The following USP34 variants were observed in gnomAD, a reference collection of about 807,000 sequenced individuals.
USP34 encodes the protein ubiquitin carboxyl-terminal hydrolase 34.
Under a neutral mutation model 460.3 loss-of-function variants are expected in USP34, and 70 were observed. The ratio of observed to expected loss-of-function variants is 0.15; its 90% CI spans 0.13 to 0.19. USP34 has a LOEUF of 0.19. Among genes scored for constraint, USP34 ranks in the 10% least tolerant of loss-of-function variants. The pLI is 1.00. For synonymous variants in USP34, 1,647 were observed against 1,405.3 expected (o/e 1.17, Z -3.85); for missense variants, 3,985 against 4,236.2 (o/e 0.94, Z 1.65).
rs373843965 is a variant in USP34, at chr2:61,211,789, G to C, written c.8823C>G (p.Cys2941Trp). Residue 2941 changes from cysteine to tryptophan, a missense_variant, in exon 69 of 80, where the codon TGC (cysteine) becomes TGG (tryptophan). Physicochemically the swap from Cys to Trp is radical, Grantham distance 215. This residue lies in a region of USP34 where 275 missense variants were observed against 292.7 expected (regional missense o/e 0.94). Coordinates refer to ENST00000398571, the MANE Select transcript of USP34 (RefSeq NM_014709.4). ...CYLRCLDGRS[C>W]WTTLISAFRI... Reference sequence around the variant, plus strand: ...CTTTTTACCTTATTAAAGTAGTCCAGCAGGAGCGGCCATCTAAGCAACGTA... The same window carrying C: ...CTTTTTACCTTATTAAAGTAGTCCACCAGGAGCGGCCATCTAAGCAACGTA... 56 of 1,587,202 alleles carry C rather than the reference G, an allele frequency of 3.5e-5. No homozygotes were observed. The highest frequency in any genetic ancestry group is 4.6e-5 in the Non-Finnish European group (54 of 1,171,828).
Position 61,367,674 on chromosome 2 carries a change from T to C in USP34, c.1251+2647A>G, listed in dbSNP as rs180828403. Among the ~76,000 whole-genome samples, 423 of 152,198 alleles carry C rather than the reference T, an allele frequency of 2.8e-3. 1 individual carries two copies. The highest frequency in any genetic ancestry group is 9.5e-3 in the African/African-American group (394 of 41,540). ...AAATAGCAACATAATGGAAGAAATA[T>C]AATTGAAGAAATCACAATTTATAAT... On this transcript the variant is annotated intron_variant, in intron 10 of 79. Transcript: ENST00000398571.
At chr2:61,311,491 AG>A (rs768466808) in intron 27 of USP34, 48 bp downstream of exon 27, 23 of 1,410,454 alleles carry the variant, frequency 1.6e-5, no homozygotes, top group African/African-American at 2.7e-5. Flanking sequence ...AAAGAGAAAA[AG>A]AAAGAAAGAG....
intron 67 of USP34, among the ~76,000 whole-genome samples, chr2:61,217,978 A>C (rs1687450909): frequency 6.6e-6 from 1 of 151,968 alleles, no homozygotes; most frequent in East Asian, 1.9e-4. Flanking sequence ...TAAATAAGAA[A>C]ATAAAAATAA....
chr2:61,385,391 C>T (rs142480274), intron 5 of USP34, among the ~76,000 whole-genome samples: 49 of 151,988 alleles, frequency 3.2e-4, no homozygotes, highest in Admixed American at 2.4e-3. Flanking sequence ...CTAAGAAATA[C>T]GACAAGGAGG....
chr2:61,273,821 G>A (rs1244723123), intron 41 of USP34, among the ~76,000 whole-genome samples: 1 of 151,886 alleles, frequency 6.6e-6, no homozygotes, highest in Non-Finnish European at 1.5e-5. Context: ...AGAAAGTCCA[G>A]AAATACATAT....
At chr2:61,319,810 C>T (rs113579672) in intron 21 of USP34, among the ~76,000 whole-genome samples, 2 of 152,142 alleles carry the variant, frequency 1.3e-5, no homozygotes, top group African/African-American at 4.8e-5. Flanking sequence ...GGCCACTGCA[C>T]TCCAGCCAGG....
intron 43 of USP34, 58 bp downstream of exon 43, chr2:61,265,339 C>G: frequency 6.5e-7 from 1 of 1,530,570 alleles, no homozygotes; most frequent in Non-Finnish European, 8.8e-7. Context: ...AAAAATTTAT[C>G]AACAAAATAT....
At chr2:61,200,397 A>G (rs1686940280) in intron 75 of USP34, 1 of 151,864 alleles carries the variant, frequency 6.6e-6, no homozygotes, top group Non-Finnish European at 1.5e-5. Flanking sequence ...TCCCCTCACC[A>G]TCCTCACTTC....
chr2:61,235,328 CTTTTTTTT>C (rs10537200), intron 57 of USP34, among the ~76,000 whole-genome samples: 2 of 123,404 alleles, frequency 1.6e-5, no homozygotes, highest in African/African-American at 6.2e-5. Context: ...ATTTTTTTTT[CTTTTTTTT>C]TTTTTTTTGA....
intron 10 of USP34, among the ~76,000 whole-genome samples, chr2:61,358,909 G>A (rs1189110126): frequency 6.6e-6 from 1 of 152,118 alleles, no homozygotes; most frequent in Non-Finnish European, 1.5e-5. Context: ...TAACCAAAGA[G>A]GGTAAAGTTT....
intron 41 of USP34, among the ~76,000 whole-genome samples, chr2:61,267,967 G>A (rs1367769382): frequency 6.6e-6 from 1 of 151,630 alleles, no homozygotes; most frequent in African/African-American, 2.4e-5. Context: ...TGTTGGCCAG[G>A]CTGGTCTCGG....
Position 61,311,595 on chromosome 2 carries a change from A to T in USP34, c.3762T>A (p.Asn1254Lys). 1 of 1,613,280 alleles carries T rather than the reference A, an allele frequency of 6.2e-7. No homozygotes were observed. The highest frequency in any genetic ancestry group is 8.5e-7 in the Non-Finnish European group (1 of 1,179,730). Reference protein sequence around the residue: ...WYENLQKEQINQQAQLQEFGQ... With the variant: ...WYENLQKEQIKQQAQLQEFGQ... ...CAAACTCCTGAAGCTGAGCTTGTTG[A>T]TTTATTTGTTCTTTCTGTAAATTTT... is the stretch of plus-strand genomic sequence containing the variant. Residue 1254 changes from asparagine to lysine, a missense_variant, in exon 27 of 80, where the codon AAT becomes AAA. Physicochemically the swap from Asn to Lys is moderately conservative, Grantham distance 94. This residue lies in a region of USP34 where 1,114 missense variants were observed against 1,122.5 expected (regional missense o/e 0.99). Coordinates refer to ENST00000398571, the MANE Select transcript of USP34 (RefSeq NM_014709.4).
At chr2:61,334,059 T>C (rs534112330) in intron 18 of USP34, 88 bp from the exon 19 acceptor site, 59 of 903,396 alleles carry the variant, frequency 6.5e-5, no homozygotes, top group Non-Finnish European at 9.0e-5. Context: ...CTAAAAGATT[T>C]AATGAATCTT....
chr2:61,465,605 G>A (rs749483341), intron 1 of USP34, among the ~76,000 whole-genome samples: 32 of 152,132 alleles, frequency 2.1e-4, no homozygotes, highest in Non-Finnish European at 1.0e-4. Flanking sequence ...TACTTGGGGA[G>A]GCTGAGGCAG....
At chr2:61,449,294 T>A (rs1322933346) in intron 1 of USP34, among the ~76,000 whole-genome samples, 1 of 151,558 alleles carries the variant, frequency 6.6e-6, no homozygotes, top group Admixed American at 6.6e-5. Context: ...AAATATTGTT[T>A]AAAGCATTAT....
At chr2:61,450,673 C>G (rs917436076) in intron 1 of USP34, among the ~76,000 whole-genome samples, 2 of 151,616 alleles carry the variant, frequency 1.3e-5, no homozygotes, top group Admixed American at 1.3e-4. Flanking sequence ...TTGGGAACAA[C>G]AAACAAAAAT....
intron 1 of USP34, among the ~76,000 whole-genome samples, chr2:61,438,929 A>G (rs578254323): frequency 6.6e-6 from 1 of 152,322 alleles, no homozygotes; most frequent in African/African-American, 2.4e-5. Flanking sequence ...CCTATGCTCC[A>G]CTAAAAACAC....
In USP34 at chr2:61,348,375, T is replaced by C; in HGVS notation, c.1780A>G (p.Asn594Asp). ...GCTGACTGGCTTGCGTGGCTAGAATTAACCTCATTGCTAGATCCATCACTA... is the reference window on the plus strand; with the variant it reads ...GCTGACTGGCTTGCGTGGCTAGAATCAACCTCATTGCTAGATCCATCACTA... Reference protein sequence around the residue: ...GHSDGSSNEVNSSHASQSAGS... With the variant: ...GHSDGSSNEVDSSHASQSAGS... Residue 594 changes from asparagine (N) to aspartate (D), a missense_variant, in exon 15 of 80, where the codon AAT (asparagine) becomes GAT (aspartate). Physicochemically the swap from Asn to Asp is conservative, Grantham distance 23 (BLOSUM62 1). Coordinates refer to ENST00000398571, the MANE Select transcript of USP34 (RefSeq NM_014709.4). 1 of 1,614,050 alleles carries C rather than the reference T, an allele frequency of 6.2e-7. No homozygotes were observed. Among genetic ancestry groups the C allele is most frequent in the Non-Finnish European group, 8.5e-7 (1 of 1,180,030 alleles).
rs542698457 is a variant in USP34 at position 61,296,989 on chromosome 2, A to G, written c.4129-64T>C. The G allele has an allele frequency of 1.5e-5, 23 of 1,506,724 alleles. No homozygotes were observed. In the East Asian group the frequency reaches 5.2e-4, roughly 34 times the overall value. 93.3% of individuals were successfully genotyped at this position (1,506,724 alleles called of 1,614,324 possible). On this transcript the variant is annotated intron_variant, in intron 29 of 79. Transcript: ENST00000398571. ...AGAAAAGAAAAAGTTTTAAGTTCAAATTTTTGCATAAAGTAATGATCAAAT... is the reference window on the plus strand; with the variant it reads ...AGAAAAGAAAAAGTTTTAAGTTCAAGTTTTTGCATAAAGTAATGATCAAAT...
Sources: gnomAD v4.1 joint callset for allele counts (sites outside exome capture counted in the v4.1 genomes callset) on GRCh38, gnomAD v4.1.1 for gene constraint, gnomAD v4.1.1 regional missense constraint, MANE v1.5 for transcripts, NCBI Gene and HGNC (gene_info 2026-07-23, HGNC 2026-07-21) for gene names.